Variants in ZDHHC4 observed in about 807,000 individuals in gnomAD.
ZDHHC4 encodes palmitoyltransferase ZDHHC4.
Under a neutral mutation model 36.7 loss-of-function variants are expected in ZDHHC4, and 42 were observed. That is an observed-to-expected ratio of 1.14 (90% CI 0.89 to 1.48). The LOEUF is 1.48. ZDHHC4 is among the 40% of genes most tolerant of loss of function. The pLI, the probability that ZDHHC4 is intolerant of heterozygous loss-of-function variation, is 0.00. For missense variants in ZDHHC4, 457 were observed against 421.5 expected (o/e 1.08, Z -0.74); for synonymous variants, 189 against 166.6 (o/e 1.13, Z -1.03).
chr7:6,583,172 T>A, intron 5 of ZDHHC4, 134 bp from the exon 6 acceptor site: 2 of 1,012,822 alleles, frequency 2.0e-6, no homozygotes, highest in Non-Finnish European at 2.9e-6. Context: ...AAAGTAAGAC[T>A]GTCTCAAAAA....
rs73674139 is a variant in ZDHHC4 at position 6,588,561 on chromosome 7, C to G, written c.742-56C>G. The G allele has an allele frequency of 2.7e-3, 4,242 of 1,577,226 alleles. 108 individuals carry two copies. In the African/African-American group the frequency reaches 0.052, roughly 19 times the overall value. On this transcript the variant is annotated intron_variant, in intron 7 of 7. Transcript: ENST00000335965. ...CAGGCCCAGGGTTGGCCAGTGTTCA[C>G]TCTCATGGATGTCACAGTCCAGCTG...
chr7:6,579,025 T>G (rs1267390875), intron 2 of ZDHHC4, among the ~76,000 whole-genome samples: 1 of 152,082 alleles, frequency 6.6e-6, no homozygotes, highest in Non-Finnish European at 1.5e-5. Context: ...GGTCTCGCTT[T>G]GTTGCCCAGG....
intron 2 of ZDHHC4, among the ~76,000 whole-genome samples, chr7:6,579,925 C>G (rs1006890071): frequency 1.3e-5 from 2 of 151,930 alleles, no homozygotes; most frequent in Admixed American, 6.6e-5. Flanking sequence ...CACCTGAGTT[C>G]AAGAGTTCGA....
At chr7:6,580,236 A>T (rs1292480823) in intron 2 of ZDHHC4, among the ~76,000 whole-genome samples, 1 of 152,020 alleles carries the variant, frequency 6.6e-6, no homozygotes, top group Non-Finnish European at 1.5e-5. Flanking sequence ...CCTGAGCTCA[A>T]GCGATCCACC....
At position 6,588,658 on chromosome 7, in the gene ZDHHC4, C is replaced by G. The variant is rs1781439925; in HGVS notation, c.783C>G (p.Gly261=). The G allele has an allele frequency of 1.9e-6, 3 of 1,614,234 alleles. No homozygotes were observed. The highest frequency in any genetic ancestry group is 2.5e-6 in the Non-Finnish European group (3 of 1,180,042). ...LTFPRIVFML[G]FVVVLSFLLG... Reference sequence around the variant, plus strand: ...TTCCACGGATTGTCTTCATGCTGGGCTTTGTCGTGGTTCTGAGCTTCCTCC... The same window carrying G: ...TTCCACGGATTGTCTTCATGCTGGGGTTTGTCGTGGTTCTGAGCTTCCTCC... The change falls in exon 8 of 8, where the codon GGC becomes GGG. Residue 261 remains glycine (G), a synonymous_variant. Transcript: ENST00000335965.
At chr7:6,579,735 TG>T (rs1185911757) in intron 2 of ZDHHC4, among the ~76,000 whole-genome samples, 1 of 152,236 alleles carries the variant, frequency 6.6e-6, no homozygotes, top group Non-Finnish European at 1.5e-5. Context: ...GAATGATTCA[TG>T]CCTGGGGGCA....
chr7:6,585,310 A>G (rs1181183277), intron 7 of ZDHHC4, 50 bp downstream of exon 7: 21 of 1,591,610 alleles, frequency 1.3e-5, no homozygotes, highest in Non-Finnish European at 1.8e-5. Context: ...CGCAAAAAAG[A>G]CATTTATTTT....
intron 4 of ZDHHC4, 67 bp downstream of exon 4, chr7:6,581,747 C>G: frequency 7.5e-7 from 1 of 1,326,338 alleles, no homozygotes; most frequent in South Asian, 1.3e-5. Flanking sequence ...TTGAGATCCT[C>G]TAGCTTCAGG....
intron 7 of ZDHHC4, 128 bp from the exon 8 acceptor site, chr7:6,588,489 T>C (rs1781417034): frequency 7.4e-6 from 7 of 951,432 alleles, no homozygotes; most frequent in Non-Finnish European, 1.1e-5. Flanking sequence ...GTTTGTCACA[T>C]CTGGACACAA....
At chr7:6,584,954 G>A in intron 6 of ZDHHC4, 62 bp from the exon 7 acceptor site, 1 of 1,596,236 alleles carries the variant, frequency 6.3e-7, no homozygotes, top group Non-Finnish European at 8.6e-7. Context: ...ATCTCAGCAG[G>A]TGTGCGGTGT....
rs189536864 is a variant in ZDHHC4, at chr7:6,587,925, G to A, written c.742-692G>A. Among the ~76,000 whole-genome samples the A allele has an allele frequency of 1.5e-3, 231 of 152,262 alleles. 6 individuals are homozygous for A. The highest frequency in any genetic ancestry group is 0.013 in the Admixed American group (193 of 15,284). ...CTGTCGCCTAGGCTGGAGTGCAGTT[G>A]CACAATCTCAGCTCACTGTAACCTT... On this transcript the variant is annotated intron_variant, in intron 7 of 7. Coordinates refer to ENST00000335965, the MANE Select transcript of ZDHHC4 (RefSeq NM_001134389.2).
chr7:6,582,125 G>C lies in ZDHHC4; in HGVS notation c.244G>C (p.Glu82Gln). The part of the protein sequence containing the change: ...HLVLQGMVYT[E>Q]YTWEVFGYCQ... ...GGTCTTGCAAGGGATGGTTTATACT[G>C]AGTACACCTGGGAAGTATTTGGCTA... Residue 82 changes from glutamate to glutamine, a missense_variant, in exon 5 of 8, where the codon GAG becomes CAG. Glu to Gln is a conservative substitution (Grantham distance 29). Coordinates refer to ENST00000335965, the MANE Select transcript of ZDHHC4 (RefSeq NM_001134389.2). The C allele has an allele frequency of 6.2e-7, 1 of 1,614,158 alleles. No homozygotes were observed. Among genetic ancestry groups the C allele is most frequent in the Non-Finnish European group, 8.5e-7 (1 of 1,180,044 alleles).
chr7:6,587,213 C>T (rs1196258682), intron 7 of ZDHHC4, among the ~76,000 whole-genome samples: 1 of 151,996 alleles, frequency 6.6e-6, no homozygotes, highest in African/African-American at 2.4e-5. Flanking sequence ...GGCCCAGAAT[C>T]ACTTTTGATT....
intron 7 of ZDHHC4, among the ~76,000 whole-genome samples, chr7:6,588,394 A>T (rs530425630): frequency 1.5e-4 from 23 of 152,334 alleles, no homozygotes; most frequent in African/African-American, 5.0e-4. Context: ...CTTTTCCTTC[A>T]GTGTGAACAC....
chr7:6,580,755 C>CA, intron 3 of ZDHHC4, 77 bp downstream of exon 3: 1 of 1,421,372 alleles, frequency 7.0e-7, no homozygotes, highest in Admixed American at 1.7e-5. Flanking sequence ...TGCTACAGGA[C>CA]AAAAAAGAGA....
intron 7 of ZDHHC4, among the ~76,000 whole-genome samples, chr7:6,586,258 T>C (rs1398157300): frequency 6.6e-6 from 1 of 152,084 alleles, no homozygotes; most frequent in African/African-American, 2.4e-5. Context: ...CTCACTACTA[T>C]CTAATTTCAG....
intron 3 of ZDHHC4, 188 bp downstream of exon 3, chr7:6,580,866 T>C: frequency 1.7e-6 from 1 of 599,390 alleles, no homozygotes. Flanking sequence ...CCATGAGCTA[T>C]GATCACGCCA....
At chr7:6,580,914 TCAA>T (rs1286387619) in intron 3 of ZDHHC4, 3 of 510,480 alleles carry the variant, frequency 5.9e-6, no homozygotes, top group African/African-American at 1.9e-5. Context: ...AGACCCTGTC[TCAA>T]CAACAACAAA....
rs748066993 is a variant in ZDHHC4 at position 6,585,260 on chromosome 7, G to A, written c.741G>A (p.Gln247=). 1 of 1,610,832 alleles carries A rather than the reference G, an allele frequency of 6.2e-7. No homozygotes were observed. The highest frequency in any genetic ancestry group is 8.5e-7 in the Non-Finnish European group (1 of 1,177,504). ...TTATGGACACGGTCTTTCTTATTCA[G>A]GTAATTATGCTGTAGGTTTCTGACT... ...LHVMDTVFLI[Q]YLFLTFPRIV... is the part of the protein sequence containing the mutation. Residue 247 remains glutamine (Q), a splice_region_variant and synonymous_variant, in exon 7 of 8, where the codon CAG becomes CAA. Transcript: ENST00000335965.
Sources: gnomAD v4.1 joint callset for allele counts (sites outside exome capture counted in the v4.1 genomes callset) on GRCh38, gnomAD v4.1.1 for gene constraint, MANE v1.5 for transcripts, NCBI Gene and HGNC (gene_info 2026-07-23, HGNC 2026-07-21) for gene names.